PDS5B: variants seen among roughly 807,000 people sequenced by gnomAD.
The protein encoded by PDS5B is PDS5 cohesin associated factor B.
PDS5B carries 51 observed loss-of-function variants against 184.1 expected under a neutral mutation model. That is an observed-to-expected ratio of 0.28 (90% CI 0.22 to 0.35). The LOEUF is 0.35. Ranked by LOEUF, PDS5B falls within the 10% of genes least tolerant of loss-of-function variation. The pLI is 1.00. For synonymous variants in PDS5B, 566 were observed against 569.2 expected, an observed-to-expected ratio of 0.99 and a Z score of 0.08; for missense variants, 1,180 against 1,723.3, an observed-to-expected ratio of 0.68 and a Z score of 5.58.
At chr13:32,588,000 T>C (rs986331049) in intron 1 of PDS5B, among the ~76,000 whole-genome samples, 2 of 152,218 alleles carry the variant, frequency 1.3e-5, no homozygotes, top group Non-Finnish European at 2.9e-5. Context: ...AACGGCAGTA[T>C]AGTCATTGTT....
rs1390276751 is a variant in PDS5B, at chr13:32,668,720, A to C, written c.705+876A>C. Among the ~76,000 whole-genome samples the C allele has an allele frequency of 3.3e-5, 5 of 152,212 alleles. No homozygotes were observed. In the East Asian group the frequency reaches 9.6e-4, roughly 29 times the overall value. ...TGCATTCCTGAGTAAAGTAAGAAAG[A>C]AAGCCTTTAATAATTACTTATGCAT... On this transcript the variant is annotated intron_variant, in intron 7 of 34. Coordinates refer to ENST00000315596, the MANE Select transcript of PDS5B (RefSeq NM_015032.4).
intron 21 of PDS5B, among the ~76,000 whole-genome samples, chr13:32,737,164 A>G (rs1158310036): frequency 6.8e-6 from 1 of 147,610 alleles, no homozygotes; most frequent in Non-Finnish European, 1.5e-5. Flanking sequence ...AAAGTTGTTG[A>G]GATAATGTGA....
intron 19 of PDS5B, among the ~76,000 whole-genome samples, chr13:32,715,064 G>A (rs560928030): frequency 1.3e-5 from 2 of 152,310 alleles, no homozygotes; most frequent in Admixed American, 6.5e-5. Context: ...ATGTTCTTCT[G>A]CCATGGCTTC....
At position 32,767,583 on chromosome 13, in the gene PDS5B, A is replaced by C. The variant is rs148733853; in HGVS notation, c.3625-2538A>C. Among the ~76,000 whole-genome samples, 190 of 152,296 alleles carry C rather than the reference A, an allele frequency of 1.2e-3. 1 individual carries two copies. The highest frequency in any genetic ancestry group is 4.4e-3 in the African/African-American group (183 of 41,570). ...TCATCACAAGAACCAGTGCAACAAC[A>C]AACATAGATTGACTGATTGACAGAT... is the stretch of plus-strand genomic sequence containing the variant. On this transcript the variant is annotated intron_variant, in intron 31 of 34. Transcript: ENST00000315596.
At chr13:32,665,320 A>G (rs1325177543) in intron 6 of PDS5B, among the ~76,000 whole-genome samples, 1 of 152,112 alleles carries the variant, frequency 6.6e-6, no homozygotes, top group Non-Finnish European at 1.5e-5. Flanking sequence ...GGCTGGGCAC[A>G]GTGGCTCAAG....
chr13:32,776,196 C>T lies in PDS5B; in HGVS notation c.*1144C>T, dbSNP rs889019180. On this transcript the variant is annotated 3_prime_UTR_variant, in exon 35 of 35. Transcript: ENST00000315596. The stretch of plus-strand genomic sequence containing the variant: ...TGTTTTCTGTAAATTCATATTTAGC[C>T]ATAGTATATGATAGATTGCCCCATA... 1 of 152,838 alleles carries T rather than the reference C, an allele frequency of 6.5e-6. No individual in the cohort carries two copies. The highest frequency in any genetic ancestry group is 6.5e-5 in the Admixed American group (1 of 15,286). The allele number at this position is 152,838 out of a possible 1,614,324, so 9.5% of individuals were successfully genotyped here. A position where few individuals can be genotyped will look rare whatever the true frequency, so the allele number is the denominator to read the frequency against.
At chr13:32,641,745 T>G (rs1488372445) in intron 1 of PDS5B, among the ~76,000 whole-genome samples, 1 of 152,198 alleles carries the variant, frequency 6.6e-6, no homozygotes, top group Non-Finnish European at 1.5e-5. Context: ...TTTTCTTTAC[T>G]CATCTTGTAA....
intron 19 of PDS5B, among the ~76,000 whole-genome samples, chr13:32,717,406 C>T (rs1952493132): frequency 6.8e-6 from 1 of 148,118 alleles, no homozygotes; most frequent in Non-Finnish European, 1.5e-5. Flanking sequence ...ACCCTGTGCT[C>T]TCTGAAACAT....
Position 32,716,330 on chromosome 13 carries a change from A to T in PDS5B, c.2123+6224A>T, listed in dbSNP as rs577369023. On this transcript the variant is annotated intron_variant, in intron 19 of 34. Coordinates refer to ENST00000315596, the MANE Select transcript of PDS5B (RefSeq NM_015032.4). ...GCCCTGCCGCCCCATCTGGGATGTG[A>T]GGAGCGCCCCTGCCCGGCTGCGACC... is the stretch of plus-strand genomic sequence containing the variant. Among the ~76,000 whole-genome samples, 4 of 151,356 alleles carry T rather than the reference A, an allele frequency of 2.6e-5. No individual in the cohort carries two copies. In the South Asian group the frequency reaches 8.4e-4, roughly 32 times the overall value.
chr13:32,703,889 A>C lies in PDS5B; in HGVS notation c.1856+2451A>C, dbSNP rs75590389. On this transcript the variant is annotated intron_variant, in intron 17 of 34. Transcript: ENST00000315596. Reference sequence around the variant, plus strand: ...TTTTTTTTTCATTTATGTCTTGGCTAATTTTATCCCTTTGGAGAATGCTTT... The same window carrying C: ...TTTTTTTTTCATTTATGTCTTGGCTCATTTTATCCCTTTGGAGAATGCTTT... Among the ~76,000 whole-genome samples the C allele has an allele frequency of 6.8e-3, 1,028 of 152,234 alleles. 18 individuals carry two copies. The East Asian group carries it at 0.081, about 12-fold the overall frequency.
intron 19 of PDS5B, among the ~76,000 whole-genome samples, chr13:32,717,702 A>T (rs1952511718): frequency 6.7e-6 from 1 of 148,424 alleles, no homozygotes; most frequent in South Asian, 2.1e-4. Flanking sequence ...AAAAAAAAAA[A>T]TAAATAAATC....
At chr13:32,727,960 T>C (rs1952968530) in intron 19 of PDS5B, among the ~76,000 whole-genome samples, 2 of 152,042 alleles carry the variant, frequency 1.3e-5, no homozygotes, top group South Asian at 4.1e-4. Flanking sequence ...TCACAGCTGC[T>C]GTCTTACTAT....
intron 1 of PDS5B, among the ~76,000 whole-genome samples, chr13:32,588,090 G>T (rs917232311): frequency 6.6e-6 from 1 of 152,188 alleles, no homozygotes; most frequent in Non-Finnish European, 1.5e-5. Flanking sequence ...GTAATTAAAA[G>T]CCACAAATAT....
intron 24 of PDS5B, among the ~76,000 whole-genome samples, chr13:32,750,042 A>T (rs1953916654): frequency 1.3e-5 from 2 of 152,126 alleles, no homozygotes. Context: ...AGTTCCCAGT[A>T]GCGCTTTTTA....
intron 31 of PDS5B, 61 bp from the exon 32 acceptor site, chr13:32,770,060 C>T: frequency 6.8e-7 from 1 of 1,463,036 alleles, no homozygotes; most frequent in Non-Finnish European, 9.2e-7. Flanking sequence ...TTGTTTCATT[C>T]CTCAAAATAT....
rs556128623 is a variant in PDS5B at position 32,630,994 on chromosome 13, A to C, written c.-19-17760A>C. On this transcript the variant is annotated intron_variant, in intron 1 of 34. Transcript: ENST00000315596. ...TTTTTGGTGGAGACAGGGTTTCACC[A>C]TGTTGGCCAGGCTGGTCTCGAACTC... 3.3e-5 allele frequency among the ~76,000 whole-genome samples: 5 copies of C among 152,012 alleles called. No homozygotes were observed. The South Asian group carries it at 8.3e-4, about 25-fold the overall frequency.
At chr13:32,591,232 G>A (rs2057771009) in intron 1 of PDS5B, among the ~76,000 whole-genome samples, 1 of 152,020 alleles carries the variant, frequency 6.6e-6, no homozygotes, top group Non-Finnish European at 1.5e-5. Flanking sequence ...GGGTTCAAGT[G>A]ATTCTCCTTC....
At chr13:32,681,079 T>A (rs998483269) in intron 10 of PDS5B, among the ~76,000 whole-genome samples, 3 of 152,178 alleles carry the variant, frequency 2.0e-5, no homozygotes, top group Non-Finnish European at 2.9e-5. Context: ...TGCCAACGTA[T>A]ACGTTTCCTT....
At chr13:32,765,482 T>C (rs1954554737) in intron 31 of PDS5B, among the ~76,000 whole-genome samples, 1 of 152,256 alleles carries the variant, frequency 6.6e-6, no homozygotes, top group African/African-American at 2.4e-5. Context: ...TCTAAAATAT[T>C]ACTGCCCATC....
Sources: allele counts gnomAD v4.1 joint callset (sites outside exome capture counted in the v4.1 genomes callset), GRCh38; gene constraint gnomAD v4.1.1; transcripts MANE v1.5; gene names NCBI Gene and HGNC (gene_info 2026-07-23, HGNC 2026-07-21).